Variants in STXBP5L observed in about 807,000 individuals in gnomAD.
The protein encoded by STXBP5L is syntaxin binding protein 5L.
Under a neutral mutation model 144.5 loss-of-function variants are expected in STXBP5L, and 65 were observed. The observed-to-expected ratio is 0.45, with a 90% CI of 0.37 to 0.55. The LOEUF (loss-of-function observed/expected upper bound fraction) is 0.55, where lower values mean the gene tolerates loss of function less well. Ranked by LOEUF, STXBP5L falls within the 20% of genes least tolerant of loss-of-function variation. The probability of loss-of-function intolerance (pLI) is 0.00; values close to 1 mark genes in which losing one functional copy is unlikely to be tolerated. For synonymous variants in STXBP5L, 505 were observed against 469.6 expected (o/e 1.08, Z -0.97); for missense variants, 1,298 against 1,405.5 (o/e 0.92, Z 1.22).
In STXBP5L at chr3:121,024,493, G is replaced by C. The variant is rs201522345; in HGVS notation, c.288-17207G>C. Among the ~76,000 whole-genome samples the C allele has an allele frequency of 2.0e-5, 3 of 152,090 alleles. No homozygotes were observed. In the East Asian group the frequency reaches 5.8e-4, roughly 29 times the overall value. ...AAATTCAAATACCTTTCAGTGTTCT[G>C]TCAGCTCTCGGATACATTCAGCTCT... On this transcript the variant is annotated intron_variant, in intron 3 of 26. Coordinates refer to ENST00000471454, the MANE Select transcript of STXBP5L (RefSeq NM_001308330.2).
intron 20 of STXBP5L, among the ~76,000 whole-genome samples, chr3:121,342,742 A>G (rs1450288603): frequency 1.3e-5 from 2 of 148,230 alleles, no homozygotes; most frequent in Non-Finnish European, 3.0e-5. Flanking sequence ...AATCCAGTCT[A>G]TCATTGTTGG....
intron 5 of STXBP5L, among the ~76,000 whole-genome samples, chr3:121,085,068 T>G (rs769721938): frequency 6.6e-6 from 1 of 152,152 alleles, no homozygotes; most frequent in Non-Finnish European, 1.5e-5. Flanking sequence ...GGGTTGATGG[T>G]TTTTTTCTTG....
chr3:121,351,017 T>G (rs1010780723), intron 20 of STXBP5L, among the ~76,000 whole-genome samples: 38 of 152,142 alleles, frequency 2.5e-4, no homozygotes, highest in Non-Finnish European at 4.4e-4. Flanking sequence ...TACGTTCCTT[T>G]GGAGGAGGAG....
intron 20 of STXBP5L, among the ~76,000 whole-genome samples, chr3:121,338,939 A>T (rs959263436): frequency 6.6e-6 from 1 of 152,162 alleles, no homozygotes; most frequent in Non-Finnish European, 1.5e-5. Context: ...GCCAAGGGCC[A>T]TACAAATTCA....
chr3:121,408,607 A>G (rs755506820), intron 23 of STXBP5L, among the ~76,000 whole-genome samples: 2 of 152,016 alleles, frequency 1.3e-5, no homozygotes, highest in Non-Finnish European at 2.9e-5. Context: ...GAGGACAGTA[A>G]CATGGAGAGG....
chr3:120,974,500 C>T (rs986643462), intron 3 of STXBP5L, among the ~76,000 whole-genome samples: 4 of 151,140 alleles, frequency 2.6e-5, no homozygotes, highest in African/African-American at 7.3e-5. Context: ...GTTGCCTGTT[C>T]ACTCTGATGG....
chr3:121,273,365 T>G (rs2108424912), intron 18 of STXBP5L, among the ~76,000 whole-genome samples: 1 of 152,238 alleles, frequency 6.6e-6, no homozygotes, highest in East Asian at 1.9e-4. Flanking sequence ...TGGTTTCTGC[T>G]GAGAAGTGTT....
chr3:120,988,000 G>T (rs1410651080), intron 3 of STXBP5L, among the ~76,000 whole-genome samples: 5 of 150,968 alleles, frequency 3.3e-5, no homozygotes, highest in African/African-American at 2.4e-5. Flanking sequence ...TATTTTGTTT[G>T]TTGCCTTCAT....
chr3:120,932,869 A>G (rs1055936650), intron 2 of STXBP5L, among the ~76,000 whole-genome samples: 2 of 152,110 alleles, frequency 1.3e-5, no homozygotes, highest in Non-Finnish European at 2.9e-5. Context: ...ATGCAGCCAT[A>G]AAAAATGATG....
intron 5 of STXBP5L, among the ~76,000 whole-genome samples, chr3:121,092,629 G>C (rs868416339): frequency 1.3e-5 from 2 of 152,202 alleles, no homozygotes; most frequent in African/African-American, 4.8e-5. Flanking sequence ...TTTGCATCCT[G>C]AGACTTTGCT....
At chr3:121,059,754 A>G (rs1204290929) in intron 5 of STXBP5L, among the ~76,000 whole-genome samples, 1 of 152,052 alleles carries the variant, frequency 6.6e-6, no homozygotes, top group Non-Finnish European at 1.5e-5. Flanking sequence ...ATGGGAATTC[A>G]CTCATGATTT....
chr3:121,123,685 T>C (rs780240423), intron 7 of STXBP5L, among the ~76,000 whole-genome samples: 2 of 151,782 alleles, frequency 1.3e-5, no homozygotes, highest in Non-Finnish European at 3.0e-5. Flanking sequence ...TATGAAAGAA[T>C]ATAATGTGGC....
chr3:121,346,827 A>C (rs2045010250), intron 20 of STXBP5L, among the ~76,000 whole-genome samples: 1 of 151,814 alleles, frequency 6.6e-6, no homozygotes, highest in Non-Finnish European at 1.5e-5. Flanking sequence ...AATTTGTTTG[A>C]GTTCATTGTA....
intron 3 of STXBP5L, among the ~76,000 whole-genome samples, chr3:120,965,742 C>T (rs996657571): frequency 6.6e-6 from 1 of 152,102 alleles, no homozygotes; most frequent in Non-Finnish European, 1.5e-5. Flanking sequence ...TTGAATCTGA[C>T]AGTTATGTGT....
At chr3:121,246,364 G>A (rs1429303661) in intron 14 of STXBP5L, among the ~76,000 whole-genome samples, 3 of 152,150 alleles carry the variant, frequency 2.0e-5, no homozygotes, top group Admixed American at 2.0e-4. Context: ...GTGCCAAAAA[G>A]GTTGGGGAGT....
chr3:121,275,018 A>G (rs994292823), intron 18 of STXBP5L, among the ~76,000 whole-genome samples: 4 of 152,158 alleles, frequency 2.6e-5, no homozygotes, highest in Admixed American at 1.3e-4. Flanking sequence ...TGAAGATTAT[A>G]TATGTTTCTT....
intron 7 of STXBP5L, among the ~76,000 whole-genome samples, chr3:121,124,038 TG>T (rs1404314334): frequency 2.6e-5 from 4 of 151,726 alleles, no homozygotes; most frequent in Non-Finnish European, 5.9e-5. Context: ...TATGATGGTT[TG>T]ATATAGTAGA....
intron 5 of STXBP5L, among the ~76,000 whole-genome samples, chr3:121,094,203 A>G (rs931320978): frequency 3.3e-5 from 5 of 152,208 alleles, no homozygotes; most frequent in South Asian, 2.1e-4. Flanking sequence ...TATGTGGTCA[A>G]TTTTGGAATA....
At chr3:121,097,301 C>T (rs991033893) in intron 5 of STXBP5L, among the ~76,000 whole-genome samples, 5 of 152,168 alleles carry the variant, frequency 3.3e-5, no homozygotes, top group African/African-American at 7.2e-5. Flanking sequence ...TTCAGCACCC[C>T]TTTCCAGGGG....
Sources: allele counts gnomAD v4.1 joint callset (sites outside exome capture counted in the v4.1 genomes callset), GRCh38; gene constraint gnomAD v4.1.1; transcripts MANE v1.5; gene names NCBI Gene and HGNC (gene_info 2026-07-23, HGNC 2026-07-21).